The following MPP7 variants were observed in gnomAD, a reference collection of about 807,000 sequenced individuals.
The protein encoded by MPP7 is MAGUK p55 subfamily member 7.
In MPP7, 60 loss-of-function variants were observed where a neutral mutation model predicts 76.5. That is an observed-to-expected ratio of 0.78 (90% CI 0.64 to 0.97). The LOEUF (loss-of-function observed/expected upper bound fraction) is 0.97. MPP7 is among the 50% of genes least tolerant of loss of function. The probability of loss-of-function intolerance (pLI) is 0.00; values close to 1 mark genes in which losing one functional copy is unlikely to be tolerated. For missense variants in MPP7, 641 were observed against 694.0 expected (o/e 0.92, Z 0.86); for synonymous variants, 237 against 244.5 (o/e 0.97, Z 0.29).
At chr10:28,162,842 C>A (rs2133828928) in intron 3 of MPP7, among the ~76,000 whole-genome samples, 1 of 152,196 alleles carries the variant, frequency 6.6e-6, no homozygotes, top group Middle Eastern at 3.4e-3. Flanking sequence ...TAAGCCCCCT[C>A]CATATTCTTT....
intron 6 of MPP7, among the ~76,000 whole-genome samples, chr10:28,125,380 C>T (rs1834986110): frequency 6.6e-6 from 1 of 152,066 alleles, no homozygotes; most frequent in Admixed American, 6.6e-5. Context: ...ACCTTCTTTC[C>T]ATTATAAAAA....
chr10:28,142,989 T>A (rs549341841), intron 5 of MPP7, among the ~76,000 whole-genome samples: 11 of 152,292 alleles, frequency 7.2e-5, no homozygotes, highest in Non-Finnish European at 1.6e-4. Context: ...AAGATGTGCA[T>A]CATAGTGTTA....
intron 3 of MPP7, among the ~76,000 whole-genome samples, chr10:28,177,260 CA>C (rs57984876): frequency 0.17 from 17,830 of 103,530 alleles, 1,271 homozygotes; most frequent in East Asian, 0.64. Flanking sequence ...ACTAAAAATG[CA>C]AAAAAAAAAA....
chr10:28,110,623 T>C (rs1481759502), intron 11 of MPP7, among the ~76,000 whole-genome samples: 1 of 152,210 alleles, frequency 6.6e-6, no homozygotes, highest in Non-Finnish European at 1.5e-5. Flanking sequence ...TAAAAACATT[T>C]GTAAAGTAAG....
intron 2 of MPP7, among the ~76,000 whole-genome samples, chr10:28,327,882 T>C (rs1214112958): frequency 1.3e-5 from 2 of 152,208 alleles, no homozygotes; most frequent in Non-Finnish European, 2.9e-5. Context: ...AATAACTCCT[T>C]AAAGATAAGA....
At chr10:28,303,798 A>C (rs917310319), upstream of MPP7, among the ~76,000 whole-genome samples, 1 of 152,222 alleles carries the variant, frequency 6.6e-6, no homozygotes, top group African/African-American at 2.4e-5. Flanking sequence ...GGCTACCCCG[A>C]AAAAACATGA....
At chr10:28,222,208 A>T (rs1348803402) in intron 2 of MPP7, among the ~76,000 whole-genome samples, 1 of 152,082 alleles carries the variant, frequency 6.6e-6, no homozygotes. Flanking sequence ...TTAAAAAAAA[A>T]AAAAAGTGGC....
At chr10:28,150,166 G>A (rs931868399) in intron 3 of MPP7, 107 bp from the exon 4 acceptor site, 7 of 763,782 alleles carry the variant, frequency 9.2e-6, no homozygotes. Context: ...ATATCCTAAA[G>A]TTATATGTTT....
At chr10:28,195,180 A>T (rs566627777) in intron 3 of MPP7, among the ~76,000 whole-genome samples, 63 of 152,326 alleles carry the variant, frequency 4.1e-4, no homozygotes, top group African/African-American at 1.3e-3. Flanking sequence ...TGCAAATCAA[A>T]ATCACAATGA....
intron 2 of MPP7, among the ~76,000 whole-genome samples, chr10:28,223,016 C>T (rs1838568748): frequency 6.6e-6 from 1 of 151,458 alleles, no homozygotes; most frequent in African/African-American, 2.4e-5. Context: ...TGCCTGTAGT[C>T]CCAGCTACTC....
chr10:28,084,939 C>G (rs1256973667), intron 12 of MPP7, among the ~76,000 whole-genome samples: 1 of 152,100 alleles, frequency 6.6e-6, no homozygotes, highest in Non-Finnish European at 1.5e-5. Context: ...TTGAACTGAC[C>G]TAGGGAGACC....
chr10:28,148,906 T>A (rs1348123893), intron 4 of MPP7, among the ~76,000 whole-genome samples: 5 of 152,166 alleles, frequency 3.3e-5, no homozygotes, highest in Non-Finnish European at 1.5e-5. Flanking sequence ...CTTTCGTGCC[T>A]TACTTGAGCA....
At chr10:28,315,224 G>C (rs1024815783) in intron 2 of MPP7, among the ~76,000 whole-genome samples, 1 of 147,094 alleles carries the variant, frequency 6.8e-6, no homozygotes, top group African/African-American at 2.5e-5. Context: ...AGGAAGGAAG[G>C]GAGGGAGGGA....
At chr10:28,253,693 T>C (rs1007304303) in intron 1 of MPP7, among the ~76,000 whole-genome samples, 6 of 152,062 alleles carry the variant, frequency 3.9e-5, no homozygotes, top group Non-Finnish European at 8.8e-5. Flanking sequence ...CATTTCTCAA[T>C]TATTAAAAAG....
chr10:28,131,706 G>T lies in MPP7; in HGVS notation c.316-15C>A. The T allele has an allele frequency of 2.0e-6, 3 of 1,504,136 alleles. No individual in the cohort carries two copies. Among genetic ancestry groups the T allele is most frequent in the South Asian group, 1.3e-5 (1 of 76,816 alleles). The allele number at this position is 1,504,136 out of a possible 1,614,324, so 93.2% of individuals were successfully genotyped here. On this transcript the variant is annotated splice_polypyrimidine_tract_variant and intron_variant, in intron 5 of 16. Transcript: ENST00000683449. ...GAGAGCAAAGCCTGTAATATTCAAA[G>T]GTTGATTTAAATAAGTAAATATACA... is the stretch of plus-strand genomic sequence containing the variant.
chr10:28,096,059 T>C (rs1020592772), intron 11 of MPP7, among the ~76,000 whole-genome samples: 2 of 152,240 alleles, frequency 1.3e-5, no homozygotes, highest in Non-Finnish European at 2.9e-5. Context: ...GACTTGTTCA[T>C]TTATCATTTA....
chr10:28,119,580 G>C, intron 11 of MPP7, 71 bp downstream of exon 11: 1 of 1,276,884 alleles, frequency 7.8e-7, no homozygotes, highest in Non-Finnish European at 1.1e-6. Flanking sequence ...GTTCTGCCAT[G>C]AGCACCTGCT....
intron 6 of MPP7, among the ~76,000 whole-genome samples, chr10:28,128,542 T>C (rs1835091133): frequency 1.3e-5 from 2 of 152,118 alleles, no homozygotes; most frequent in Admixed American, 6.5e-5. Flanking sequence ...CTGGCTATAT[T>C]ATTGGTGGAG....
intron 3 of MPP7, among the ~76,000 whole-genome samples, chr10:28,166,705 C>G (rs533362445): frequency 6.6e-6 from 1 of 152,030 alleles, no homozygotes; most frequent in African/African-American, 2.4e-5. Context: ...CCACACCCAG[C>G]CTTATCTTTT....
Sources: gnomAD v4.1 joint callset for allele counts (sites outside exome capture counted in the v4.1 genomes callset) on GRCh38, gnomAD v4.1.1 for gene constraint, MANE v1.5 for transcripts, NCBI Gene and HGNC (gene_info 2026-07-23, HGNC 2026-07-21) for gene names.